TMEM171: variants seen among roughly 807,000 people sequenced by gnomAD.
TMEM171 encodes the protein proline-rich protein PRP2.
TMEM171 carries 16 observed loss-of-function variants against 19.1 expected under a neutral mutation model. The ratio of observed to expected loss-of-function variants is 0.84; its 90% CI spans 0.57 to 1.27. The LOEUF is 1.27. Ranked by LOEUF, TMEM171 falls within the 50% of genes most tolerant of loss-of-function variation. The pLI, the probability that TMEM171 is intolerant of heterozygous loss-of-function variation, is 0.00. For missense variants in TMEM171, 429 were observed against 412.7 expected (o/e 1.04, Z -0.34); for synonymous variants, 153 against 163.4 (o/e 0.94, Z 0.48).
chr5:73,129,698 GC>G (rs1160782734), intron 3 of TMEM171, among the ~76,000 whole-genome samples: 1 of 152,220 alleles, frequency 6.6e-6, no homozygotes, highest in Non-Finnish European at 1.5e-5. Flanking sequence ...GGGCCAGGAG[GC>G]CCCTGCTATG....
At chr5:73,126,463 A>T (rs543339410) in intron 2 of TMEM171, among the ~76,000 whole-genome samples, 2 of 152,288 alleles carry the variant, frequency 1.3e-5, no homozygotes, top group East Asian at 1.9e-4. Flanking sequence ...GTGGCTCATG[A>T]AGGGTAGAGA....
chr5:73,129,867 TCGCTCCTTC>T, intron 3 of TMEM171, among the ~76,000 whole-genome samples: 1 of 152,278 alleles, frequency 6.6e-6, no homozygotes, highest in Middle Eastern at 3.4e-3. Flanking sequence ...CCTTCAATAT[TCGCTCCTTC>T]CCTGGGCCGC....
chr5:73,123,466 CTTG>C lies in TMEM171; in HGVS notation c.98_100del (p.Leu33del), dbSNP rs772538529. On this transcript the variant is annotated inframe_deletion, in exon 2 of 4. Transcript: ENST00000454765. ...TCTGCTTCTTTGTCTTCGGCGCCGT[CTTG>C]TTGTGTGTGGGAGTCCTGCTCTCCA... 450 of 1,614,102 alleles carry C rather than the reference CTTG, an allele frequency of 2.8e-4. No homozygotes were observed. Among genetic ancestry groups the C allele is most frequent in the Non-Finnish European group, 3.6e-4 (427 of 1,180,050 alleles).
At chr5:73,120,975 G>GA (rs1743993004) in intron 1 of TMEM171, among the ~76,000 whole-genome samples, 1 of 152,232 alleles carries the variant, frequency 6.6e-6, no homozygotes, top group Non-Finnish European at 1.5e-5. Flanking sequence ...ATGTCTTTTG[G>GA]AAAACCAATA....
intron 2 of TMEM171, among the ~76,000 whole-genome samples, 160 bp from the exon 3 acceptor site, chr5:73,128,230 A>G (rs578201284): frequency 6.6e-6 from 1 of 152,046 alleles, no homozygotes; most frequent in East Asian, 1.9e-4. Context: ...CTACTTTTCT[A>G]TCTCTATACA....
rs564844768 is a variant in TMEM171 at position 73,131,325 on chromosome 5, G to T, written c.783-213G>T. 2.6e-5 allele frequency among the ~76,000 whole-genome samples: 4 copies of T among 152,098 alleles called. No individual in the cohort carries two copies. In the South Asian group the frequency reaches 8.3e-4, roughly 32 times the overall value. ...TGACAAAGGGAATGACAGCAGGAGT[G>T]AGACTGTCTTAATGTTACACTCAGC... On this transcript the variant is annotated intron_variant, in intron 3 of 3. Coordinates refer to ENST00000454765, the MANE Select transcript of TMEM171 (RefSeq NM_173490.8).
chr5:73,120,802 T>C (rs1264867190), intron 1 of TMEM171, 106 bp downstream of exon 1: 6 of 945,698 alleles, frequency 6.3e-6, no homozygotes, highest in Non-Finnish European at 7.6e-6. Flanking sequence ...AGGCGCTGGG[T>C]ATCCGAGCCC....
rs637450 is a variant in TMEM171, at chr5:73,123,629, C to A, written c.256C>A (p.Arg86Ser). The change falls in exon 2 of 4, where the codon CGT (arginine) becomes AGT (serine). Residue 86 changes from arginine to serine, a missense_variant. Arg to Ser is a moderately radical substitution (Grantham distance 110). Transcript: ENST00000454765. ...CCGCTCCCGGGCGCAACTTCAGCTCCGTGCAGGGCTGCAGAGAGGTCAGCA... is the reference window on the plus strand; with the variant it reads ...CCGCTCCCGGGCGCAACTTCAGCTCAGTGCAGGGCTGCAGAGAGGTCAGCA... ...LARSRAQLQL[R>S]AGLQRGQQMD... is the part of the protein sequence containing the mutation. 5 of 1,613,792 alleles carry A rather than the reference C, an allele frequency of 3.1e-6. No homozygotes were observed. In the East Asian group the frequency reaches 8.9e-5, roughly 29 times the overall value.
At chr5:73,121,533 G>T (rs1434326097) in intron 1 of TMEM171, among the ~76,000 whole-genome samples, 2 of 152,160 alleles carry the variant, frequency 1.3e-5, no homozygotes, top group Non-Finnish European at 2.9e-5. Context: ...CTTATTCACT[G>T]CAGGATGTTA....
rs986858530 is a variant in TMEM171 at position 73,128,364 on chromosome 5, G to A, written c.641-26G>A. On this transcript the variant is annotated intron_variant, in intron 2 of 3. Coordinates refer to ENST00000454765, the MANE Select transcript of TMEM171 (RefSeq NM_173490.8). Reference sequence around the variant, plus strand: ...TGCTTCCATTTATTACCCACCTGTTGTCAACTAAATATTGTTTTGCCTTAG... The same window carrying A: ...TGCTTCCATTTATTACCCACCTGTTATCAACTAAATATTGTTTTGCCTTAG... The A allele has an allele frequency of 6.8e-6, 11 of 1,606,406 alleles. 1 individual carries two copies. The highest frequency in any genetic ancestry group is 9.4e-6 in the Non-Finnish European group (11 of 1,174,526).
chr5:73,131,448 A>G, intron 3 of TMEM171, 90 bp from the exon 4 acceptor site: 1 of 1,012,490 alleles, frequency 9.9e-7, no homozygotes, highest in Non-Finnish European at 1.4e-6. Flanking sequence ...TCTTAAGTGC[A>G]TGTAATCAAA....
chr5:73,127,384 A>AAAAAATATATATATATATATATATAT, intron 2 of TMEM171, among the ~76,000 whole-genome samples: 32 of 81,662 alleles, frequency 3.9e-4, no homozygotes, highest in African/African-American at 1.4e-3. Flanking sequence ...AAAAAAAAAA[A>AAAAAATATATATATATATATATATAT]ATATATATAT....
At chr5:73,125,943 A>G (rs564335725) in intron 2 of TMEM171, among the ~76,000 whole-genome samples, 26 of 152,342 alleles carry the variant, frequency 1.7e-4, no homozygotes, top group African/African-American at 6.0e-4. Context: ...GGGTACACTC[A>G]GTGCTATCCT....
intron 2 of TMEM171, 35 bp from the exon 3 acceptor site, chr5:73,128,355 C>T: frequency 6.3e-7 from 1 of 1,594,732 alleles, no homozygotes; most frequent in Non-Finnish European, 8.6e-7. Context: ...CATTTATTAC[C>T]CACCTGTTGT....
At position 73,123,288 on chromosome 5, in the gene TMEM171, G is replaced by A; in HGVS notation, c.-68-18G>A. On this transcript the variant is annotated intron_variant, in intron 1 of 3. Coordinates refer to ENST00000454765, the MANE Select transcript of TMEM171 (RefSeq NM_173490.8). ...ACACCTGTGCCCACGTTAATTTGGT[G>A]TTTGGTTGTGTTTGCAGAGCTGCTG... The A allele has an allele frequency of 6.6e-7, 1 of 1,520,866 alleles. No homozygotes were observed. The highest frequency in any genetic ancestry group is 8.8e-7 in the Non-Finnish European group (1 of 1,135,078). The allele number at this position is 1,520,866 out of a possible 1,614,324, so 94.2% of individuals were successfully genotyped here. A position where few individuals can be genotyped will look rare whatever the true frequency, so the allele number is the denominator to read the frequency against.
chr5:73,120,831 C>T (rs1386903792), intron 1 of TMEM171, 135 bp downstream of exon 1: 4 of 819,000 alleles, frequency 4.9e-6, no homozygotes, highest in Non-Finnish European at 5.9e-6. Flanking sequence ...TCCCTGCGAG[C>T]CCCTCCGGCT....
chr5:73,126,931 C>G (rs116015782), intron 2 of TMEM171, among the ~76,000 whole-genome samples: 1 of 152,276 alleles, frequency 6.6e-6, no homozygotes, highest in South Asian at 2.1e-4. Context: ...ATATTGGAAT[C>G]GGAATACAAA....
intron 3 of TMEM171, 141 bp downstream of exon 3, chr5:73,128,672 C>T (rs769638517): frequency 5.6e-6 from 6 of 1,066,808 alleles, no homozygotes; most frequent in South Asian, 1.7e-5. Context: ...TTGATATTAA[C>T]AGTACCTTTG....
chr5:73,124,080 C>T, intron 2 of TMEM171, 67 bp downstream of exon 2: 1 of 1,332,082 alleles, frequency 7.5e-7, no homozygotes, highest in Non-Finnish European at 1.0e-6. Flanking sequence ...TCACCAGCTG[C>T]TCTTGGTTCT....
Sources: gnomAD v4.1 joint callset for allele counts (sites outside exome capture counted in the v4.1 genomes callset) on GRCh38, gnomAD v4.1.1 for gene constraint, MANE v1.5 for transcripts, NCBI Gene and HGNC (gene_info 2026-07-23, HGNC 2026-07-21) for gene names.